Variants in DNAH17 observed in about 807,000 individuals in gnomAD.
DNAH17 encodes dynein axonemal heavy chain 17.
In DNAH17, 376 loss-of-function variants were observed where a neutral mutation model predicts 485.6. That is an observed-to-expected ratio of 0.77 (90% confidence interval 0.71 to 0.84). The LOEUF (loss-of-function observed/expected upper bound fraction) is 0.84. Ranked by LOEUF, DNAH17 falls within the 40% of genes least tolerant of loss-of-function variation. DNAH17 has a pLI of 0.00. For synonymous variants in DNAH17, 3,031 were observed against 2,405.9 expected, an observed-to-expected ratio of 1.26 and a Z score of -7.60; for missense variants, 6,370 against 5,839.3, an observed-to-expected ratio of 1.09 and a Z score of -2.96.
chr17:78,484,946 A>G lies in DNAH17; in HGVS notation c.7571T>C (p.Met2524Thr), dbSNP rs747780776. 6.2e-7 allele frequency: 1 copy of G among 1,611,922 alleles called. No homozygotes were observed. Among genetic ancestry groups the G allele is most frequent in the Non-Finnish European group, 8.5e-7 (1 of 1,178,984 alleles). The change falls in exon 48 of 81, where the codon ATG becomes ACG. Residue 2524 changes from methionine (M) to threonine (T), a missense_variant. Transcript: ENST00000389840. ...TKKLVYFIDD[M>T]NMPEVDKYGT... The stretch of plus-strand genomic sequence containing the variant: ...ATACTTGTCCACCTCGGGCATGTTC[A>G]TGTCGTCGATGAAGTAGACGAGCTT...
At chr17:78,499,294 T>C in intron 36 of DNAH17, 182 bp from the exon 37 acceptor site, 1 of 446,280 alleles carries the variant, frequency 2.2e-6, no homozygotes, top group Non-Finnish European at 3.9e-6. Flanking sequence ...GGTAACACCG[T>C]GGAGGGCTGG....
intron 22 of DNAH17, among the ~76,000 whole-genome samples, chr17:78,527,523 G>A (rs2091111552): frequency 1.3e-5 from 2 of 152,188 alleles, no homozygotes; most frequent in African/African-American, 4.8e-5. Flanking sequence ...GTGTGGGTGT[G>A]GGTGTGGTCT....
Position 78,461,725 on chromosome 17 carries a change from C to T in DNAH17, c.9175-17G>A, listed in dbSNP as rs766013637. 1.5e-5 allele frequency: 24 copies of T among 1,602,980 alleles called. No individual in the cohort carries two copies. The highest frequency in any genetic ancestry group is 1.3e-4 in the African/African-American group (10 of 74,592). On this transcript the variant is annotated splice_polypyrimidine_tract_variant and intron_variant, in intron 57 of 80. Coordinates refer to ENST00000389840, the MANE Select transcript of DNAH17 (RefSeq NM_173628.4). The stretch of plus-strand genomic sequence containing the variant: ...ATCATCCACCTGGGGAAGGAGAAAC[C>T]GAGAAACAGCAAGTGTGGGCCGCAG...
intron 58 of DNAH17, 141 bp from the exon 59 acceptor site, chr17:78,460,398 G>T: frequency 1.5e-6 from 1 of 683,448 alleles, no homozygotes; most frequent in Non-Finnish European, 2.5e-6. Context: ...ATATGTGCAT[G>T]AGTGTATGTG....
rs750296575 is a variant in DNAH17, at chr17:78,552,723, T to C, written c.2261A>G (p.Glu754Gly). The change falls in exon 15 of 81, where the codon GAA becomes GGA. Residue 754 changes from glutamate (E) to glycine (G), a missense_variant. Coordinates refer to ENST00000389840, the MANE Select transcript of DNAH17 (RefSeq NM_173628.4). ...TTCGCCATTCCAGAATAATGTCGTT[T>C]CAGCGCTCAATAACTTGACATCAAT... Reference protein sequence around the residue: ...EAIDVKLLSAETTLFWNGEGV... With the variant: ...EAIDVKLLSAGTTLFWNGEGV... 3.1e-6 allele frequency: 5 copies of C among 1,613,970 alleles called. No individual in the cohort carries two copies. Among genetic ancestry groups the C allele is most frequent in the African/African-American group, 1.3e-5 (1 of 75,046 alleles).
Position 78,530,401 on chromosome 17 carries a change from T to C in DNAH17, c.3226A>G (p.Thr1076Ala). Residue 1076 changes from threonine to alanine, a missense_variant, in exon 21 of 81, where the codon ACA becomes GCA. Thr to Ala is a moderately conservative substitution (Grantham distance 58). Coordinates refer to ENST00000389840, the MANE Select transcript of DNAH17 (RefSeq NM_173628.4). ...AACATGAAGCCCCAGCGCCGGATTG[T>C]GCTGAGCAGGGCCTGCTTGAAGGGG... is the stretch of plus-strand genomic sequence containing the variant. ...CRPFKQALLS[T>A]IRRWGFMFKR... 2 of 1,613,656 alleles carry C rather than the reference T, an allele frequency of 1.2e-6. No individual in the cohort carries two copies. The highest frequency in any genetic ancestry group is 8.5e-7 in the Non-Finnish European group (1 of 1,179,752).
intron 56 of DNAH17, among the ~76,000 whole-genome samples, chr17:78,463,420 G>A (rs1390888101): frequency 1.3e-5 from 2 of 149,994 alleles, no homozygotes; most frequent in Non-Finnish European, 1.5e-5. Flanking sequence ...TCACATACCT[G>A]CATATATACA....
At chr17:78,431,274 G>C (rs935970448) in intron 75 of DNAH17, among the ~76,000 whole-genome samples, 1 of 152,164 alleles carries the variant, frequency 6.6e-6, no homozygotes, top group Non-Finnish European at 1.5e-5. Flanking sequence ...ACTGTTTGCG[G>C]GCTGCTTTTC....
At chr17:78,554,649 G>A (rs143525344) in intron 14 of DNAH17, among the ~76,000 whole-genome samples, 2 of 152,072 alleles carry the variant, frequency 1.3e-5, no homozygotes, top group South Asian at 2.1e-4. Flanking sequence ...CTTGTTTCAT[G>A]ACTTCTCTAG....
chr17:78,468,827 G>C lies in DNAH17; in HGVS notation c.8568C>G (p.Phe2856Leu). The C allele has an allele frequency of 6.2e-7, 1 of 1,614,008 alleles. No individual in the cohort carries two copies. Among genetic ancestry groups the C allele is most frequent in the Non-Finnish European group, 8.5e-7 (1 of 1,179,896 alleles). The change falls in exon 55 of 81, where the codon TTC becomes TTG. Residue 2856 changes from phenylalanine (F) to leucine (L), a missense_variant. By Grantham distance (22) the Phe-to-Leu change is conservative. Coordinates refer to ENST00000389840, the MANE Select transcript of DNAH17 (RefSeq NM_173628.4). Reference protein sequence around the residue: ...KAAVKNVPSVFLMTDSQVAEE... With the variant: ...KAAVKNVPSVLLMTDSQVAEE... Reference sequence around the variant, plus strand: ...CGGCCACCTGGGAGTCTGTCATCAGGAACACCGAGGGAACGTTCTTCACGG... The same window carrying C: ...CGGCCACCTGGGAGTCTGTCATCAGCAACACCGAGGGAACGTTCTTCACGG...
At chr17:78,546,654 T>A (rs1287954653) in intron 16 of DNAH17, among the ~76,000 whole-genome samples, 1 of 152,210 alleles carries the variant, frequency 6.6e-6, no homozygotes, top group Non-Finnish European at 1.5e-5. Context: ...GCCCGTAATC[T>A]CAGAACTTTG....
chr17:78,574,651 A>C, intron 2 of DNAH17, 62 bp downstream of exon 2: 1 of 1,451,158 alleles, frequency 6.9e-7, no homozygotes, highest in Non-Finnish European at 9.4e-7. Flanking sequence ...AGCAGGACTC[A>C]AGGCCGCTCC....
rs201378173 is a variant in DNAH17 at position 78,465,869 on chromosome 17, A to G, written c.8940+786T>C. Among the ~76,000 whole-genome samples the G allele has an allele frequency of 3.1e-3, 451 of 143,538 alleles. 3 individuals carry two copies. Among genetic ancestry groups the G allele is most frequent in the East Asian group, 0.01 (47 of 4,664 alleles). 94.2% of individuals were successfully genotyped at this position (143,538 alleles called of 152,430 possible). On this transcript the variant is annotated intron_variant, in intron 56 of 80. Transcript: ENST00000389840. ...CGGGAGGTGAGGGGCGCCTCTGCCC[A>G]GCCGCCCCTACTGGGAAGTGAGGAG... is the stretch of plus-strand genomic sequence containing the variant.
Position 78,466,763 on chromosome 17 carries a change from C to A in DNAH17, c.8832G>T (p.Lys2944Asn), listed in dbSNP as rs771238294. 47 of 1,610,264 alleles carry A rather than the reference C, an allele frequency of 2.9e-5. No individual in the cohort carries two copies. Among genetic ancestry groups the A allele is most frequent in the Admixed American group, 2.3e-4 (14 of 59,628 alleles). Residue 2944 changes from lysine to asparagine, a missense_variant, in exon 56 of 81, where the codon AAG becomes AAT. Coordinates refer to ENST00000389840, the MANE Select transcript of DNAH17 (RefSeq NM_173628.4). Reference protein sequence around the residue: ...VGSVLRVRARKFPAVVNCTAI... With the variant: ...VGSVLRVRARNFPAVVNCTAI... ...CCGTGCAGTTGACCACAGCTGGGAA[C>A]TTTCTGGCTCGTACCCGCAGCACGG... is the stretch of plus-strand genomic sequence containing the variant.
intron 49 of DNAH17, 112 bp from the exon 50 acceptor site, chr17:78,479,744 G>T: frequency 6.8e-7 from 1 of 1,462,192 alleles, no homozygotes. Context: ...AGGTCTTTTG[G>T]GCATTGTCAG....
chr17:78,446,173 CAAAAA>C (rs1157464118), intron 69 of DNAH17, among the ~76,000 whole-genome samples: 9 of 57,398 alleles, frequency 1.6e-4, no homozygotes, highest in South Asian at 1.0e-3. Context: ...GACTCTGTCT[CAAAAA>C]AAAAAAAAAA....
rs1266126107 is a variant in DNAH17, at chr17:78,537,451, T to C, written c.2707A>G (p.Met903Val). The change falls in exon 19 of 81, where the codon ATG becomes GTG. Residue 903 changes from methionine (M) to valine (V), a missense_variant. Physicochemically the swap from Met to Val is conservative, Grantham distance 21 (BLOSUM62 1). Coordinates refer to ENST00000389840, the MANE Select transcript of DNAH17 (RefSeq NM_173628.4). ...GTCAGCCCATCCTCGTCCAGCTCCATGCGGATCTCAAACAGGGGAGCGATA... is the reference window on the plus strand; with the variant it reads ...GTCAGCCCATCCTCGTCCAGCTCCACGCGGATCTCAAACAGGGGAGCGATA... ...ESIAPLFEIR[M>V]ELDEDGLTFN... is the part of the protein sequence containing the mutation. 1.9e-6 allele frequency: 3 copies of C among 1,613,358 alleles called. No individual in the cohort carries two copies. Among genetic ancestry groups the C allele is most frequent in the East Asian group, 2.2e-5 (1 of 44,878 alleles).
At chr17:78,547,198 C>A (rs766586902) in intron 16 of DNAH17, among the ~76,000 whole-genome samples, 4 of 152,162 alleles carry the variant, frequency 2.6e-5, no homozygotes, top group Non-Finnish European at 5.9e-5. Flanking sequence ...CCTTGGTACT[C>A]TAGAATGTGG....
Position 78,526,864 on chromosome 17 carries a change from G to A in DNAH17, c.3624+16C>T, listed in dbSNP as rs1164856182. The stretch of plus-strand genomic sequence containing the variant: ...TGCTCCCCGGAAATCCCGCCACCCT[G>A]CCCCAGGTATAATACCTCGAATTGC... On this transcript the variant is annotated intron_variant, in intron 23 of 80. Coordinates refer to ENST00000389840, the MANE Select transcript of DNAH17 (RefSeq NM_173628.4). 1.3e-6 allele frequency: 2 copies of A among 1,562,738 alleles called. No individual in the cohort carries two copies. The highest frequency in any genetic ancestry group is 2.3e-5 in the South Asian group (2 of 85,616).
Sources: gnomAD v4.1 joint callset for allele counts (sites outside exome capture counted in the v4.1 genomes callset) on GRCh38, gnomAD v4.1.1 for gene constraint, MANE v1.5 for transcripts, NCBI Gene and HGNC (gene_info 2026-07-23, HGNC 2026-07-21) for gene names.